CELF4: variants seen among roughly 807,000 people sequenced by gnomAD.
The protein encoded by CELF4 is CUG-BP- and ETR-3-like factor 4.
In CELF4, 18 loss-of-function variants were observed where a neutral mutation model predicts 59.9. That is an observed-to-expected ratio of 0.30 (90% CI 0.21 to 0.45). CELF4 has a LOEUF of 0.45. Among genes scored for constraint, CELF4 ranks in the 20% least tolerant of loss-of-function variants. The pLI is 1.00. For synonymous variants in CELF4, 261 were observed against 267.1 expected (o/e 0.98, Z 0.22); for missense variants, 456 against 689.0 (o/e 0.66, Z 3.79).
intron 2 of CELF4, among the ~76,000 whole-genome samples, chr18:37,403,583 A>G (rs1192730778): frequency 6.6e-6 from 1 of 152,110 alleles, no homozygotes; most frequent in African/African-American, 2.4e-5. Context: ...GTGTGCTGGC[A>G]GGGGCCCGGG....
chr18:37,295,956 C>G (rs1025053227), intron 3 of CELF4, among the ~76,000 whole-genome samples: 1 of 152,308 alleles, frequency 6.6e-6, no homozygotes, highest in Admixed American at 6.5e-5. Context: ...ATTGGTGCAT[C>G]CCACTCAGCT....
intron 1 of CELF4, among the ~76,000 whole-genome samples, chr18:37,553,418 C>T (rs1006483428): frequency 6.6e-6 from 1 of 152,094 alleles, no homozygotes; most frequent in Non-Finnish European, 1.5e-5. Flanking sequence ...CTTGTGGGGG[C>T]ATTTGGAGAT....
Position 37,254,004 on chromosome 18 carries a change from AGGGGTCGGGGGACAG to A in CELF4, c.1334-81_1334-67del. 1 of 199,966 alleles carries A rather than the reference AGGGGTCGGGGGACAG, an allele frequency of 5.0e-6. No homozygotes were observed. The highest frequency in any genetic ancestry group is 4.7e-5 in the African/African-American group (1 of 21,096). 12.4% of individuals were successfully genotyped at this position (199,966 alleles called of 1,614,324 possible). A position where few individuals can be genotyped will look rare whatever the true frequency, so the allele number is the denominator to read the frequency against. On this transcript the variant is annotated intron_variant, in intron 11 of 12. Coordinates refer to ENST00000420428, the MANE Select transcript of CELF4 (RefSeq NM_020180.4). The surrounding 1 kb of genome is among the most constrained non-coding windows in gnomAD (Gnocchi z 5.1). ...GCCGCCCGGGGCGCTGCCGGCGGGG[AGGGGTCGGGGGACAG>A]GGGGGCGGGGCGGGCCTGAGGCTCT...
chr18:37,415,137 A>G (rs1842955764), intron 2 of CELF4, among the ~76,000 whole-genome samples: 1 of 152,174 alleles, frequency 6.6e-6, no homozygotes, highest in Admixed American at 6.5e-5. Context: ...GAAAGGTTTC[A>G]TGAAGCAAGT....
intron 2 of CELF4, among the ~76,000 whole-genome samples, chr18:37,412,447 T>G (rs1213022047): frequency 6.6e-6 from 1 of 152,168 alleles, no homozygotes; most frequent in Non-Finnish European, 1.5e-5. Context: ...GATGGATGCA[T>G]GCATGCATGG....
intron 2 of CELF4, among the ~76,000 whole-genome samples, chr18:37,341,927 T>C (rs2098058895): frequency 6.6e-6 from 1 of 152,132 alleles, no homozygotes; most frequent in Admixed American, 6.5e-5. Flanking sequence ...CTCTGACTCA[T>C]CTGGGTCTCC....
chr18:37,525,289 G>A (rs374742570), intron 1 of CELF4, among the ~76,000 whole-genome samples: 23 of 152,126 alleles, frequency 1.5e-4, no homozygotes, highest in African/African-American at 5.3e-4. Context: ...TCTTATTTGG[G>A]GTTAATGACT....
At chr18:37,279,119 G>T (rs549343775) in intron 3 of CELF4, among the ~76,000 whole-genome samples, 1 of 152,276 alleles carries the variant, frequency 6.6e-6, no homozygotes, top group Admixed American at 6.5e-5. Context: ...TGGGACCCCT[G>T]GTAATGGAGA....
chr18:37,335,366 T>G lies in CELF4; in HGVS notation c.370-13485A>C, dbSNP rs115305194. Among the ~76,000 whole-genome samples, 365 of 152,074 alleles carry G rather than the reference T, an allele frequency of 2.4e-3. 2 individuals carry two copies. Among genetic ancestry groups the G allele is most frequent in the African/African-American group, 8.5e-3 (352 of 41,486 alleles). On this transcript the variant is annotated intron_variant, in intron 2 of 12. Transcript: ENST00000420428. ...TGAGGGGTCTGCACGTGAGTATGTG[T>G]GCAAGGATGTGGGTGGGCCATGTAA...
intron 2 of CELF4, among the ~76,000 whole-genome samples, chr18:37,435,080 C>T (rs1226378854): frequency 2.6e-5 from 4 of 152,144 alleles, no homozygotes; most frequent in Admixed American, 6.5e-5. Context: ...CCTGTCTGGG[C>T]TTCCCTGGGT....
intron 6 of CELF4, 197 bp from the exon 7 acceptor site, chr18:37,273,360 T>C: frequency 7.3e-7 from 1 of 1,362,658 alleles, no homozygotes; most frequent in Non-Finnish European, 9.5e-7. Context: ...CCCTGAGAGA[T>C]GACTGTATTT....
chr18:37,376,229 AGGCCATGTCCCTTTTG>A (rs2098967310), intron 2 of CELF4, among the ~76,000 whole-genome samples: 1 of 152,054 alleles, frequency 6.6e-6, no homozygotes. Flanking sequence ...CCACCTCTTC[AGGCCATGTCCCTTTTG>A]GGCCATCTAC....
At chr18:37,518,235 G>T (rs1020092802) in intron 1 of CELF4, among the ~76,000 whole-genome samples, 1 of 152,138 alleles carries the variant, frequency 6.6e-6, no homozygotes, top group Non-Finnish European at 1.5e-5. Flanking sequence ...GCGGGCAAGC[G>T]TAATATTACC....
intron 2 of CELF4, among the ~76,000 whole-genome samples, chr18:37,338,454 A>G (rs9948471): frequency 0.03 from 4,262 of 143,300 alleles, 378 homozygotes; most frequent in African/African-American, 0.12. Flanking sequence ...CACTGTCACT[A>G]CCACCATCAT....
intron 12 of CELF4, among the ~76,000 whole-genome samples, chr18:37,250,846 T>A (rs962974473): frequency 1.3e-5 from 2 of 152,150 alleles, no homozygotes; most frequent in Non-Finnish European, 2.9e-5. Context: ...TAAAATACTG[T>A]CTAAATGAAA....
intron 1 of CELF4, among the ~76,000 whole-genome samples, chr18:37,490,529 G>A (rs577809603): frequency 6.6e-6 from 1 of 152,310 alleles, no homozygotes; most frequent in Admixed American, 6.5e-5. Context: ...TACTTCATGA[G>A]GGAAATTATC....
At chr18:37,274,609 C>A (rs753316999) in intron 5 of CELF4, 155 bp from the exon 6 acceptor site, 1 of 1,527,426 alleles carries the variant, frequency 6.5e-7, no homozygotes, top group South Asian at 1.2e-5. Flanking sequence ...TGAACCCCAC[C>A]GCGGGCATTT....
chr18:37,500,711 T>C (rs1032132895), intron 1 of CELF4, among the ~76,000 whole-genome samples: 1 of 152,112 alleles, frequency 6.6e-6, no homozygotes, highest in Middle Eastern at 3.4e-3. Context: ...TTTTTTTGTA[T>C]TTTTAGTAGA....
chr18:37,431,406 C>T (rs1395592924), intron 2 of CELF4, among the ~76,000 whole-genome samples: 5 of 110,714 alleles, frequency 4.5e-5, no homozygotes, highest in Admixed American at 1.3e-4. Context: ...CTTGTTCTGT[C>T]GCCCAGGCTG....
Sources: allele counts gnomAD v4.1 joint callset (sites outside exome capture counted in the v4.1 genomes callset), GRCh38; gene constraint gnomAD v4.1.1; non-coding constraint Gnocchi (gnomAD v3.1); transcripts MANE v1.5; gene names NCBI Gene and HGNC (gene_info 2026-07-23, HGNC 2026-07-21).